The following TCERG1L variants were observed in gnomAD, a reference collection of about 807,000 sequenced individuals.
TCERG1L encodes transcription elongation regulator 1-like protein.
TCERG1L carries 37 observed loss-of-function variants against 56.3 expected under a neutral mutation model. The ratio of observed to expected loss-of-function variants is 0.66; its 90% CI spans 0.51 to 0.87. The LOEUF (loss-of-function observed/expected upper bound fraction) is 0.87. Among genes scored for constraint, TCERG1L ranks in the 40% least tolerant of loss-of-function variants. TCERG1L has a pLI of 0.00. For missense variants in TCERG1L, 799 were observed against 774.2 expected (o/e 1.03, Z -0.38); for synonymous variants, 324 against 326.3 (o/e 0.99, Z 0.08).
At chr10:131,127,995 T>C (rs1845580061) in intron 8 of TCERG1L, among the ~76,000 whole-genome samples, 1 of 152,148 alleles carries the variant, frequency 6.6e-6, no homozygotes, top group Non-Finnish European at 1.5e-5. Flanking sequence ...CAGCTGACTA[T>C]TCAAAAAGAA....
At chr10:131,193,720 C>G (rs1319130997) in intron 4 of TCERG1L, among the ~76,000 whole-genome samples, 6 of 152,178 alleles carry the variant, frequency 3.9e-5, no homozygotes, top group Non-Finnish European at 7.3e-5. Flanking sequence ...TGTACCAGTA[C>G]CATGCTGTTT....
intron 6 of TCERG1L, among the ~76,000 whole-genome samples, chr10:131,154,226 G>T (rs573435713): frequency 3.9e-5 from 6 of 152,100 alleles, no homozygotes; most frequent in Non-Finnish European, 8.8e-5. Context: ...CCAAGCAGCC[G>T]CAATATAGGA....
At chr10:131,134,933 T>A (rs900890117) in intron 7 of TCERG1L, among the ~76,000 whole-genome samples, 11 of 152,184 alleles carry the variant, frequency 7.2e-5, no homozygotes, top group Non-Finnish European at 1.6e-4. Flanking sequence ...CTACCCCACA[T>A]GTGGCCATGC....
intron 8 of TCERG1L, among the ~76,000 whole-genome samples, chr10:131,125,024 C>A (rs1005427938): frequency 5.3e-5 from 8 of 152,202 alleles, no homozygotes; most frequent in Non-Finnish European, 1.0e-4. Context: ...CCAGCACAAC[C>A]CCACTGTCCA....
chr10:131,172,641 C>T (rs941869779), intron 4 of TCERG1L, among the ~76,000 whole-genome samples: 1 of 152,234 alleles, frequency 6.6e-6, no homozygotes, highest in Non-Finnish European at 1.5e-5. Context: ...CTGAGACCAG[C>T]TCACGCGAGC....
intron 11 of TCERG1L, among the ~76,000 whole-genome samples, chr10:131,097,785 T>C (rs181625774): frequency 1.0e-3 from 157 of 152,384 alleles, no homozygotes; most frequent in Non-Finnish European, 1.6e-3. Context: ...TCATTTATTA[T>C]TTTAGTAAGT....
At chr10:131,224,863 C>T (rs1412921275) in intron 4 of TCERG1L, among the ~76,000 whole-genome samples, 1 of 151,664 alleles carries the variant, frequency 6.6e-6, no homozygotes, top group African/African-American at 2.4e-5. Flanking sequence ...ACACTTTATA[C>T]TCTAATTAGC....
chr10:131,167,377 G>A (rs375981811), intron 4 of TCERG1L, among the ~76,000 whole-genome samples: 15 of 152,328 alleles, frequency 9.8e-5, no homozygotes, highest in African/African-American at 3.4e-4. Context: ...TCTTGGGGCT[G>A]CTCTCTCGCA....
rs1008873836 is a variant in TCERG1L at position 131,245,527 on chromosome 10, G to A, written c.856+14732C>T. On this transcript the variant is annotated intron_variant, in intron 4 of 11. Coordinates refer to ENST00000368642, the MANE Select transcript of TCERG1L (RefSeq NM_174937.4). The stretch of plus-strand genomic sequence containing the variant: ...AGCCTTCTGCATTTCCACCCAAAAC[G>A]AGGGGGCGGCTCTCCGGGGGCAGCG... Among the ~76,000 whole-genome samples the A allele has an allele frequency of 3.3e-5, 5 of 152,202 alleles. No homozygotes were observed. The East Asian group carries it at 5.8e-4, about 18-fold the overall frequency.
At chr10:131,224,258 C>T (rs1034119012) in intron 4 of TCERG1L, among the ~76,000 whole-genome samples, 13 of 152,174 alleles carry the variant, frequency 8.5e-5, no homozygotes, top group Non-Finnish European at 1.3e-4. Context: ...GCCCCACACG[C>T]CTTTCCAGCC....
At chr10:131,310,877 C>G (rs1261526205) in intron 1 of TCERG1L, among the ~76,000 whole-genome samples, 2 of 152,348 alleles carry the variant, frequency 1.3e-5, no homozygotes, top group East Asian at 3.9e-4. Flanking sequence ...AAACAGCTAT[C>G]GATTTCCAGC....
intron 9 of TCERG1L, among the ~76,000 whole-genome samples, chr10:131,110,776 T>G (rs1156672069): frequency 6.6e-6 from 1 of 152,190 alleles, no homozygotes; most frequent in African/African-American, 2.4e-5. Flanking sequence ...AGTGGACGCG[T>G]CAGCCCTGAG....
chr10:131,098,998 T>C (rs1242427833), intron 10 of TCERG1L, among the ~76,000 whole-genome samples: 1 of 152,186 alleles, frequency 6.6e-6, no homozygotes, highest in African/African-American at 2.4e-5. Flanking sequence ...GTCTGGTGCC[T>C]TGGGGAGGAC....
At chr10:131,204,060 A>G (rs1053189822) in intron 4 of TCERG1L, among the ~76,000 whole-genome samples, 1 of 152,178 alleles carries the variant, frequency 6.6e-6, no homozygotes, top group Non-Finnish European at 1.5e-5. Context: ...GAGCGACCTC[A>G]TGGAAGGCCC....
At chr10:131,306,391 G>A (rs1216662847) in intron 3 of TCERG1L, among the ~76,000 whole-genome samples, 2 of 151,096 alleles carry the variant, frequency 1.3e-5, no homozygotes, top group Non-Finnish European at 3.0e-5. Flanking sequence ...TAAAATTGTA[G>A]GTGTTATATT....
At chr10:131,275,678 AC>A (rs1175096758) in intron 3 of TCERG1L, among the ~76,000 whole-genome samples, 7 of 152,274 alleles carry the variant, frequency 4.6e-5, no homozygotes, top group African/African-American at 1.7e-4. Context: ...CTCAAAACTT[AC>A]CCACGTAACC....
intron 4 of TCERG1L, among the ~76,000 whole-genome samples, chr10:131,225,006 T>C (rs1169105014): frequency 1.3e-5 from 2 of 152,272 alleles, no homozygotes; most frequent in East Asian, 3.9e-4. Flanking sequence ...AGCACTGGCC[T>C]GGGCACTGAG....
At chr10:131,168,122 G>A (rs72847786) in intron 4 of TCERG1L, among the ~76,000 whole-genome samples, 6,560 of 152,284 alleles carry the variant, frequency 0.043, 215 homozygotes, top group Non-Finnish European at 0.061. Context: ...ACGGAAGGAT[G>A]GGGAATTAAC....
chr10:131,143,044 G>A (rs941120546), intron 7 of TCERG1L, among the ~76,000 whole-genome samples: 3 of 152,224 alleles, frequency 2.0e-5, no homozygotes, highest in African/African-American at 4.8e-5. Context: ...ATCTCCCCTG[G>A]ATCCCCTAGG....
Sources: allele counts gnomAD v4.1 joint callset (sites outside exome capture counted in the v4.1 genomes callset), GRCh38; gene constraint gnomAD v4.1.1; transcripts MANE v1.5; gene names NCBI Gene and HGNC (gene_info 2026-07-23, HGNC 2026-07-21).